Variants in PLA2G4A observed in about 807,000 individuals in gnomAD.
PLA2G4A encodes phospholipase A2 group IVA, also known as cytosolic phospholipase A2.
Under a neutral mutation model 81.9 loss-of-function variants are expected in PLA2G4A, and 40 were observed. The ratio of observed to expected loss-of-function variants is 0.49; its 90% CI spans 0.38 to 0.64. The LOEUF is 0.64. Ranked by LOEUF, PLA2G4A falls within the 30% of genes least tolerant of loss-of-function variation. PLA2G4A has a pLI of 0.00. For missense variants in PLA2G4A, 715 were observed against 905.1 expected (o/e 0.79, Z 2.69); for synonymous variants, 302 against 296.9 (o/e 1.02, Z -0.18).
At chr1:186,949,798 G>A (rs1242582679) in intron 12 of PLA2G4A, among the ~76,000 whole-genome samples, 1 of 151,702 alleles carries the variant, frequency 6.6e-6, no homozygotes, top group African/African-American at 2.4e-5. Context: ...AAGGAAGGAT[G>A]ATCACTTGAG....
intron 5 of PLA2G4A, among the ~76,000 whole-genome samples, chr1:186,896,399 A>C (rs996055957): frequency 6.6e-6 from 1 of 152,188 alleles, no homozygotes; most frequent in Non-Finnish European, 1.5e-5. Context: ...ATAGCAAGAT[A>C]AAGGGCTTGG....
intron 8 of PLA2G4A, among the ~76,000 whole-genome samples, chr1:186,933,371 A>T (rs555098713): frequency 6.8e-4 from 104 of 152,292 alleles, no homozygotes; most frequent in African/African-American, 2.3e-3. Flanking sequence ...ATTTTTTTGA[A>T]TATAGAAATA....
intron 15 of PLA2G4A, among the ~76,000 whole-genome samples, chr1:186,971,334 C>CA (rs931979067): frequency 2.1e-4 from 32 of 151,986 alleles, no homozygotes; most frequent in African/African-American, 7.7e-4. Context: ...AGCATGTCTC[C>CA]AATCACTCCT....
intron 14 of PLA2G4A, among the ~76,000 whole-genome samples, chr1:186,962,561 G>T (rs1656993412): frequency 6.7e-6 from 1 of 148,382 alleles, no homozygotes; most frequent in East Asian, 2.0e-4. Flanking sequence ...TTGCTCTGTC[G>T]CCCAGGCTGC....
intron 1 of PLA2G4A, among the ~76,000 whole-genome samples, chr1:186,846,645 G>A (rs76434256): frequency 0.015 from 2,293 of 151,996 alleles, 71 homozygotes; most frequent in African/African-American, 0.053. Flanking sequence ...AATTTTATCC[G>A]GTGTGACAAC....
chr1:186,876,365 G>A (rs1208811120), intron 3 of PLA2G4A, among the ~76,000 whole-genome samples: 1 of 152,120 alleles, frequency 6.6e-6, no homozygotes, highest in Non-Finnish European at 1.5e-5. Context: ...CCGTGTAAGG[G>A]TGTGGATAGT....
chr1:186,972,872 G>A (rs913689051), intron 15 of PLA2G4A, among the ~76,000 whole-genome samples: 2 of 152,024 alleles, frequency 1.3e-5, no homozygotes, highest in Admixed American at 6.6e-5. Flanking sequence ...CACTAAAAAC[G>A]GAAAAAGTAT....
rs563840719 is a variant in PLA2G4A at position 186,861,016 on chromosome 1, A to G, written c.33+6629A>G. Among the ~76,000 whole-genome samples the G allele has an allele frequency of 9.2e-5, 14 of 152,324 alleles. No homozygotes were observed. The East Asian group carries it at 2.3e-3, about 25-fold the overall frequency. On this transcript the variant is annotated intron_variant, in intron 2 of 17. Transcript: ENST00000367466. ...TATGCTAGTTTGTAGTCTTGGTGAC[A>G]TGACTCGTTATATTCCCAGTTATCT...
At chr1:186,985,131 T>C (rs1657852693) in intron 17 of PLA2G4A, among the ~76,000 whole-genome samples, 1 of 152,186 alleles carries the variant, frequency 6.6e-6, no homozygotes, top group South Asian at 2.1e-4. Flanking sequence ...CTCTGACGAA[T>C]GCCACAGCCT....
At chr1:186,934,165 T>G (rs942985002) in intron 8 of PLA2G4A, among the ~76,000 whole-genome samples, 7 of 152,040 alleles carry the variant, frequency 4.6e-5, no homozygotes, top group Admixed American at 6.6e-5. Flanking sequence ...CTCAATCATT[T>G]TGTTATTATT....
At chr1:186,906,203 C>T (rs1254415165) in intron 5 of PLA2G4A, among the ~76,000 whole-genome samples, 1 of 152,210 alleles carries the variant, frequency 6.6e-6, no homozygotes, top group Non-Finnish European at 1.5e-5. Context: ...TTACATTTTT[C>T]ATAGCTAACG....
chr1:186,894,520 TG>T (rs1440334530), intron 5 of PLA2G4A, among the ~76,000 whole-genome samples: 2 of 151,964 alleles, frequency 1.3e-5, no homozygotes, highest in African/African-American at 4.8e-5. Flanking sequence ...TACAAAAAAT[TG>T]GGGAGGATAA....
intron 5 of PLA2G4A, among the ~76,000 whole-genome samples, chr1:186,898,059 T>C (rs1174280651): frequency 6.6e-6 from 1 of 152,170 alleles, no homozygotes; most frequent in African/African-American, 2.4e-5. Context: ...TACAATACCT[T>C]ATTTTCATTT....
intron 3 of PLA2G4A, among the ~76,000 whole-genome samples, chr1:186,890,343 A>G (rs1308332112): frequency 6.6e-6 from 1 of 152,168 alleles, no homozygotes; most frequent in Non-Finnish European, 1.5e-5. Flanking sequence ...TCATCCATAA[A>G]GTATAGTGTG....
At chr1:186,907,285 C>T (rs2102145647) in intron 6 of PLA2G4A, among the ~76,000 whole-genome samples, 1 of 152,224 alleles carries the variant, frequency 6.6e-6, no homozygotes, top group East Asian at 1.9e-4. Context: ...AGAGTCCTCC[C>T]TCTAGTCGTA....
intron 8 of PLA2G4A, among the ~76,000 whole-genome samples, chr1:186,937,276 A>AGAGG (rs1188426770): frequency 1.3e-5 from 2 of 148,626 alleles, no homozygotes; most frequent in Non-Finnish European, 3.0e-5. Flanking sequence ...AGAGAGAGAG[A>AGAGG]GAACACCAGA....
At chr1:186,911,175 G>A in intron 6 of PLA2G4A, 73 bp from the exon 7 acceptor site, 1 of 1,334,556 alleles carries the variant, frequency 7.5e-7, no homozygotes, top group Non-Finnish European at 1.1e-6. Flanking sequence ...CTAGGGACCT[G>A]GAAAAGCTAC....
At chr1:186,931,727 G>A (rs1038292326) in intron 7 of PLA2G4A, among the ~76,000 whole-genome samples, 1 of 151,808 alleles carries the variant, frequency 6.6e-6, no homozygotes, top group East Asian at 1.9e-4. Context: ...ACATCATATT[G>A]GTAAGTGGCC....
At chr1:186,969,932 T>C (rs1274381662) in intron 15 of PLA2G4A, among the ~76,000 whole-genome samples, 1 of 152,010 alleles carries the variant, frequency 6.6e-6, no homozygotes, top group Non-Finnish European at 1.5e-5. Context: ...TACCCAGTAA[T>C]GGGATTACTG....
Sources: gnomAD v4.1 joint callset for allele counts (sites outside exome capture counted in the v4.1 genomes callset) on GRCh38, gnomAD v4.1.1 for gene constraint, MANE v1.5 for transcripts, NCBI Gene and HGNC (gene_info 2026-07-23, HGNC 2026-07-21) for gene names.